The following PSMB5 variants were observed in gnomAD, a reference collection of about 807,000 sequenced individuals.
PSMB5 encodes proteasome 20S subunit beta 5.
PSMB5 carries 2 observed loss-of-function variants against 22.8 expected under a neutral mutation model. The observed-to-expected ratio is 0.09, with a 90% CI of 0.04 to 0.28. The LOEUF (loss-of-function observed/expected upper bound fraction) is 0.28, where lower values mean the gene tolerates loss of function less well. PSMB5 is among the 10% of genes least tolerant of loss of function. The probability of loss-of-function intolerance (pLI) is 1.00; values close to 1 mark genes in which losing one functional copy is unlikely to be tolerated. For missense variants in PSMB5, 269 were observed against 343.8 expected, an observed-to-expected ratio of 0.78 and a Z score of 1.72; for synonymous variants, 133 against 135.3, an observed-to-expected ratio of 0.98 and a Z score of 0.12.
chr14:23,032,968 G>A (rs559723316), intron 2 of PSMB5, among the ~76,000 whole-genome samples: 52 of 143,270 alleles, frequency 3.6e-4, no homozygotes, highest in Non-Finnish European at 6.9e-4. Context: ...GTGCAGTGGC[G>A]CGATCTCTGC....
At position 23,026,418 on chromosome 14, in the gene PSMB5, C is replaced by T. The variant is rs1321647031; in HGVS notation, c.506-43G>A. On this transcript the variant is annotated intron_variant, in intron 2 of 2. Coordinates refer to ENST00000361611, the MANE Select transcript of PSMB5 (RefSeq NM_002797.5). ...GTTAGCAGGAAAAAAAAAAAGATCA[C>T]CCCTTTTGATATCTAATTCATATGC... 2.5e-6 allele frequency: 4 copies of T among 1,578,494 alleles called. No individual in the cohort carries two copies. The South Asian group carries it at 3.5e-5, about 14-fold the overall frequency.
intron 2 of PSMB5, chr14:23,027,651 G>GA (rs59941562): frequency 0.13 from 90,585 of 693,126 alleles, 6 homozygotes; most frequent in South Asian, 0.2. Context: ...CTGTCTTCAG[G>GA]AAAAAAAAAA....
In PSMB5 at chr14:23,032,067, C is replaced by T. The variant is rs559586447; in HGVS notation, c.505+1301G>A. ...TCCCGCCGCTGCACTCCAGTCGGGGCGACAGAGCGAGACTCCATCCCCACC... is the reference window on the plus strand; with the variant it reads ...TCCCGCCGCTGCACTCCAGTCGGGGTGACAGAGCGAGACTCCATCCCCACC... On this transcript the variant is annotated intron_variant, in intron 2 of 2. Coordinates refer to ENST00000361611, the MANE Select transcript of PSMB5 (RefSeq NM_002797.5). 1.1e-4 allele frequency among the ~76,000 whole-genome samples: 17 copies of T among 152,144 alleles called. No individual in the cohort carries two copies. In the South Asian group the frequency reaches 1.2e-3, roughly 11 times the overall value.
At chr14:23,033,760 C>T in intron 1 of PSMB5, 86 bp from the exon 2 acceptor site, 4 of 1,186,166 alleles carry the variant, frequency 3.4e-6, no homozygotes, top group Admixed American at 2.4e-5. Context: ...CAATCCAAAC[C>T]CAGCACATCT....
At position 23,034,690 on chromosome 14, in the gene PSMB5, G is replaced by T. The variant is rs1566716529; in HGVS notation, c.192C>A (p.Ala64=). 1 of 1,613,980 alleles carries T rather than the reference G, an allele frequency of 6.2e-7. No homozygotes were observed. Among genetic ancestry groups the T allele is most frequent in the Non-Finnish European group, 8.5e-7 (1 of 1,180,018 alleles). ...AAGGGGGCTGGCTCCACACCTTGAA[G>T]GCCAGGGTGGTTGTTCCATGAAGCA... ...IEMLHGTTTL[A]FKFRHGVIVA... is the part of the protein sequence containing the mutation. The change falls in exon 1 of 3, where the codon GCC becomes GCA. Residue 64 remains alanine, a synonymous_variant. Coordinates refer to ENST00000361611, the MANE Select transcript of PSMB5 (RefSeq NM_002797.5).
intron 2 of PSMB5, among the ~76,000 whole-genome samples, chr14:23,030,861 G>T (rs2046948049): frequency 6.6e-6 from 1 of 152,116 alleles, no homozygotes; most frequent in Non-Finnish European, 1.5e-5. Flanking sequence ...GGAGGTGGAG[G>T]TTGCAATGAA....
rs139861507 is a variant in PSMB5 at position 23,029,615 on chromosome 14, C to T, written c.506-3240G>A. Among the ~76,000 whole-genome samples the T allele has an allele frequency of 7.8e-3, 1,182 of 152,290 alleles. 15 individuals are homozygous for T. The highest frequency in any genetic ancestry group is 0.027 in the African/African-American group (1,137 of 41,568). ...AAGCTGGAGTGCAATGGCACAATCT[C>T]AGCTTACTGCAACCTCTGCCTCCCA... On this transcript the variant is annotated intron_variant, in intron 2 of 2. Transcript: ENST00000361611.
At chr14:23,027,395 T>A (rs9323248) in intron 2 of PSMB5, among the ~76,000 whole-genome samples, 65,897 of 130,190 alleles carry the variant, frequency 0.51, 17,123 homozygotes, top group East Asian at 0.66. Flanking sequence ...AAAAAAAAAA[T>A]AATAATAATA....
At chr14:23,027,389 A>T (rs965159064) in intron 2 of PSMB5, among the ~76,000 whole-genome samples, 3 of 144,038 alleles carry the variant, frequency 2.1e-5, no homozygotes, top group African/African-American at 7.8e-5. Flanking sequence ...TCAAAAAAAA[A>T]AAAAATAATA....
At chr14:23,035,004 T>C, upstream of PSMB5, 1 of 1,436,632 alleles carries the variant, frequency 7.0e-7, no homozygotes. Context: ...TTTTGACTGC[T>C]GGCAAGCACG....
At chr14:23,030,219 G>C (rs980858420) in intron 2 of PSMB5, among the ~76,000 whole-genome samples, 6 of 151,834 alleles carry the variant, frequency 4.0e-5, no homozygotes, top group African/African-American at 1.4e-4. Flanking sequence ...GCCAGGAGCT[G>C]TGGCTCACGC....
chr14:23,031,223 A>G (rs1375938695), intron 2 of PSMB5, among the ~76,000 whole-genome samples: 1 of 152,208 alleles, frequency 6.6e-6, no homozygotes, highest in East Asian at 1.9e-4. Context: ...CACTGTTTCC[A>G]TCACCTAGAA....
chr14:23,027,359 A>C (rs1394612403), intron 2 of PSMB5, among the ~76,000 whole-genome samples: 12 of 146,800 alleles, frequency 8.2e-5, no homozygotes, highest in East Asian at 5.9e-4. Flanking sequence ...CCAGCCTGGG[A>C]GACAGAGCAA....
chr14:23,026,701 C>A (rs761499052), intron 2 of PSMB5, among the ~76,000 whole-genome samples: 1 of 151,314 alleles, frequency 6.6e-6, no homozygotes, highest in Non-Finnish European at 1.5e-5. Flanking sequence ...CTGCCCTTCT[C>A]GGACTCCCAA....
chr14:23,027,715 C>A, intron 2 of PSMB5: 1 of 1,462,928 alleles, frequency 6.8e-7, no homozygotes, highest in African/African-American at 1.4e-5. Context: ...CAACATACCA[C>A]CCCATCTCAC....
upstream of PSMB5, chr14:23,034,998 G>C: frequency 1.4e-6 from 2 of 1,442,248 alleles, no homozygotes; most frequent in Non-Finnish European, 1.8e-6. Context: ...GAGCCATTTT[G>C]ACTGCTGGCA....
In PSMB5 at chr14:23,033,619, A is replaced by G. The variant is rs960103374; in HGVS notation, c.254T>C (p.Ile85Thr). Residue 85 changes from isoleucine to threonine, a missense_variant, in exon 2 of 3, where the codon ATT becomes ACT. By Grantham distance (89) the Ile-to-Thr change is moderately conservative (BLOSUM62 -1). Transcript: ENST00000361611. ...ADSRATAGAY[I>T]ASQTVKKVIE... is the part of the protein sequence containing the mutation. ...CACCTTCTTCACCGTCTGGGAGGCAATGTAAGCACCCGCTGTAGCCCTGGA... is the reference window on the plus strand; with the variant it reads ...CACCTTCTTCACCGTCTGGGAGGCAGTGTAAGCACCCGCTGTAGCCCTGGA... The G allele has an allele frequency of 1.2e-6, 2 of 1,613,578 alleles. No homozygotes were observed. Among genetic ancestry groups the G allele is most frequent in the African/African-American group, 1.3e-5 (1 of 74,890 alleles).
At chr14:23,027,753 G>C in intron 2 of PSMB5, 1 of 1,545,722 alleles carries the variant, frequency 6.5e-7, no homozygotes, top group Non-Finnish European at 8.8e-7. Flanking sequence ...ACCTTGCCAT[G>C]TTGCCGATCC....
chr14:23,033,012 T>C (rs1280231536), intron 2 of PSMB5, among the ~76,000 whole-genome samples: 1 of 148,918 alleles, frequency 6.7e-6, no homozygotes, highest in Non-Finnish European at 1.5e-5. Flanking sequence ...GTTCAAGCAA[T>C]TCTCATGCCT....
Sources: allele counts gnomAD v4.1 joint callset (sites outside exome capture counted in the v4.1 genomes callset), GRCh38; gene constraint gnomAD v4.1.1; transcripts MANE v1.5; gene names NCBI Gene and HGNC (gene_info 2026-07-23, HGNC 2026-07-21).